Variants in SYN3 observed in about 807,000 individuals in gnomAD.
SYN3 encodes the protein synapsin III.
SYN3 carries 35 observed loss-of-function variants against 65.8 expected under a neutral mutation model. The observed-to-expected ratio is 0.53, with a 90% CI of 0.41 to 0.70. The LOEUF (loss-of-function observed/expected upper bound fraction) is 0.70, where lower values mean the gene tolerates loss of function less well. Ranked by LOEUF, SYN3 falls within the 30% of genes least tolerant of loss-of-function variation. The pLI is 0.00. For missense variants in SYN3, 680 were observed against 749.0 expected (o/e 0.91, Z 1.08); for synonymous variants, 270 against 292.9 (o/e 0.92, Z 0.80).
chr22:32,851,397 C>T (rs1386275151), intron 6 of SYN3, among the ~76,000 whole-genome samples: 1 of 152,076 alleles, frequency 6.6e-6, no homozygotes, highest in Non-Finnish European at 1.5e-5. Context: ...ACATAATGTC[C>T]CATTCCCCCT....
intron 7 of SYN3, among the ~76,000 whole-genome samples, chr22:32,553,720 A>G (rs887515869): frequency 6.6e-6 from 1 of 152,172 alleles, no homozygotes; most frequent in African/African-American, 2.4e-5. Flanking sequence ...TTTGGTAGAT[A>G]GGTCTGGTAA....
intron 6 of SYN3, among the ~76,000 whole-genome samples, chr22:32,760,010 C>G (rs1378022821): frequency 2.0e-5 from 1 of 49,896 alleles, no homozygotes. Context: ...CAGCACCCAC[C>G]CACCAGCAGC....
At chr22:32,713,704 G>T (rs146535789) in intron 6 of SYN3, among the ~76,000 whole-genome samples, 9 of 151,912 alleles carry the variant, frequency 5.9e-5, no homozygotes. Flanking sequence ...GGTGGTGGGC[G>T]CCTGTAGTCC....
intron 3 of SYN3, among the ~76,000 whole-genome samples, chr22:32,966,323 G>A (rs903291943): frequency 6.6e-6 from 1 of 152,136 alleles, no homozygotes; most frequent in Non-Finnish European, 1.5e-5. Context: ...CAGGAGGAGA[G>A]ACGTGCATAA....
chr22:32,753,604 C>T (rs1024702361), intron 6 of SYN3, among the ~76,000 whole-genome samples: 1 of 152,256 alleles, frequency 6.6e-6, no homozygotes, highest in African/African-American at 2.4e-5. Flanking sequence ...GAGGTTTCCA[C>T]CACCCTTTCA....
chr22:32,530,425 A>G (rs532263444), intron 10 of SYN3, among the ~76,000 whole-genome samples: 52 of 152,274 alleles, frequency 3.4e-4, no homozygotes, highest in African/African-American at 1.2e-3. Context: ...CTGGCAACCC[A>G]CGGTCCTCCC....
chr22:32,527,806 G>A (rs1338390506), intron 12 of SYN3, 112 bp downstream of exon 12: 2 of 867,282 alleles, frequency 2.3e-6, no homozygotes, highest in African/African-American at 1.7e-5. Flanking sequence ...TGTGGATAAA[G>A]TATTCAGGTG....
intron 6 of SYN3, among the ~76,000 whole-genome samples, chr22:32,648,223 C>A (rs985129568): frequency 6.6e-6 from 1 of 152,132 alleles, no homozygotes; most frequent in Non-Finnish European, 1.5e-5. Flanking sequence ...CAACACCTCC[C>A]CAATATTAGC....
At chr22:32,810,227 C>T (rs911449111) in intron 6 of SYN3, among the ~76,000 whole-genome samples, 1 of 152,142 alleles carries the variant, frequency 6.6e-6, no homozygotes, top group Admixed American at 6.5e-5. Flanking sequence ...TTCAGAGGGG[C>T]CCCAGAGAAC....
intron 6 of SYN3, among the ~76,000 whole-genome samples, chr22:32,620,447 G>A (rs1447048892): frequency 2.6e-5 from 4 of 152,152 alleles, no homozygotes; most frequent in Admixed American, 2.6e-4. Flanking sequence ...TATAGACAAG[G>A]TAAATAAGAC....
chr22:32,574,448 C>T (rs538360574), intron 7 of SYN3, among the ~76,000 whole-genome samples: 2 of 152,248 alleles, frequency 1.3e-5, no homozygotes, highest in South Asian at 4.1e-4. Flanking sequence ...CACTGTACTC[C>T]AGCCTGGGCA....
intron 6 of SYN3, among the ~76,000 whole-genome samples, chr22:32,816,185 AGTGGTATGTGTCTAATTGCAGGG>A (rs1200818595): frequency 3.3e-5 from 5 of 151,940 alleles, no homozygotes; most frequent in Non-Finnish European, 1.5e-5. Flanking sequence ...CAGGTTGGAA[AGTGGTATGTGTCTAATTGCAGGG>A]GCGGGGGTAG....
intron 6 of SYN3, among the ~76,000 whole-genome samples, chr22:32,712,656 A>G (rs935625883): frequency 1.3e-5 from 2 of 152,152 alleles, no homozygotes; most frequent in Non-Finnish European, 2.9e-5. Flanking sequence ...CTCCACTGCA[A>G]TTGAAATACC....
At chr22:32,964,079 A>T (rs1441672138) in intron 3 of SYN3, among the ~76,000 whole-genome samples, 2 of 152,062 alleles carry the variant, frequency 1.3e-5, no homozygotes, top group African/African-American at 4.8e-5. Flanking sequence ...CATTTTAAAC[A>T]GGCCAAGAAC....
At chr22:33,004,168 G>A (rs1475216722) in intron 2 of SYN3, among the ~76,000 whole-genome samples, 2 of 152,240 alleles carry the variant, frequency 1.3e-5, no homozygotes, top group African/African-American at 4.8e-5. Flanking sequence ...TGCTAGGGCA[G>A]TGGGGATGGG....
chr22:32,922,689 T>C (rs577083665), intron 4 of SYN3, among the ~76,000 whole-genome samples: 1 of 152,124 alleles, frequency 6.6e-6, no homozygotes, highest in Non-Finnish European at 1.5e-5. Context: ...ATACATCCCA[T>C]CCGCTCTGTG....
intron 6 of SYN3, among the ~76,000 whole-genome samples, chr22:32,714,853 A>G (rs574991732): frequency 1.5e-4 from 23 of 152,168 alleles, no homozygotes; most frequent in Admixed American, 1.3e-3. Context: ...TGGGAATTAC[A>G]TGAGGCCAGG....
intron 6 of SYN3, among the ~76,000 whole-genome samples, chr22:32,766,271 TTTC>T (rs1008527122): frequency 3.3e-5 from 5 of 152,188 alleles, no homozygotes; most frequent in African/African-American, 9.7e-5. Context: ...ATCTGCAGGC[TTTC>T]TTCTTCTACT....
At chr22:32,859,088 G>A in intron 6 of SYN3, 1 of 1,291,906 alleles carries the variant, frequency 7.7e-7, no homozygotes, top group Non-Finnish European at 1.1e-6. Context: ...TTCCCATGCA[G>A]TGGCCCCAGG....
Sources: allele counts gnomAD v4.1 joint callset (sites outside exome capture counted in the v4.1 genomes callset), GRCh38; gene constraint gnomAD v4.1.1; transcripts MANE v1.5; gene names NCBI Gene and HGNC (gene_info 2026-07-23, HGNC 2026-07-21).